Variants in GHR observed in about 807,000 individuals in gnomAD.
GHR encodes growth hormone receptor.
A neutral mutation model predicts 67.1 loss-of-function variants in GHR; 35 were observed. That is an observed-to-expected ratio of 0.52 (90% CI 0.40 to 0.69). GHR has a LOEUF of 0.69. GHR is among the 30% of genes least tolerant of loss of function. GHR has a pLI of 0.00. For missense variants in GHR, 792 were observed against 764.6 expected (o/e 1.04, Z -0.42); for synonymous variants, 272 against 269.1 (o/e 1.01, Z -0.10).
At chr5:42,555,411 CT>C (rs1749255780) in intron 1 of GHR, among the ~76,000 whole-genome samples, 1 of 152,262 alleles carries the variant, frequency 6.6e-6, no homozygotes, top group African/African-American at 2.4e-5. Context: ...ATTACTCTGT[CT>C]TTTTCTTGCT....
chr5:42,481,452 A>G (rs1745631321), intron 1 of GHR, among the ~76,000 whole-genome samples: 1 of 152,128 alleles, frequency 6.6e-6, no homozygotes, highest in East Asian at 1.9e-4. Flanking sequence ...TAGATTGGGG[A>G]AGTTCACCTG....
At chr5:42,535,086 G>T (rs1161477247) in intron 1 of GHR, among the ~76,000 whole-genome samples, 1 of 151,970 alleles carries the variant, frequency 6.6e-6, no homozygotes, top group Non-Finnish European at 1.5e-5. Flanking sequence ...AGATTGTGAA[G>T]ATTTTTCTCC....
intron 1 of GHR, among the ~76,000 whole-genome samples, chr5:42,493,007 G>C (rs1383329481): frequency 1.3e-5 from 2 of 152,180 alleles, no homozygotes; most frequent in Admixed American, 1.3e-4. Context: ...TGTGTAATGG[G>C]AAGTCAAAAT....
At chr5:42,616,495 A>G (rs1342139161) in intron 2 of GHR, among the ~76,000 whole-genome samples, 1 of 151,998 alleles carries the variant, frequency 6.6e-6, no homozygotes, top group Non-Finnish European at 1.5e-5. Context: ...TTTTTTTCAG[A>G]CATTGCTCGA....
chr5:42,516,435 G>T (rs1214868368), intron 1 of GHR, among the ~76,000 whole-genome samples: 4 of 152,124 alleles, frequency 2.6e-5, no homozygotes, highest in African/African-American at 9.7e-5. Flanking sequence ...ATCCTGGCTT[G>T]GCTACTTCCC....
chr5:42,446,508 G>A (rs1299041840), intron 1 of GHR, among the ~76,000 whole-genome samples: 4 of 152,196 alleles, frequency 2.6e-5, no homozygotes, highest in Admixed American at 2.0e-4. Flanking sequence ...TTTGTCTGGG[G>A]ACCTGCAGGT....
chr5:42,707,636 T>C (rs1231456408), intron 6 of GHR, among the ~76,000 whole-genome samples: 4 of 151,986 alleles, frequency 2.6e-5, no homozygotes, highest in Non-Finnish European at 5.9e-5. Context: ...CTTTCATCAG[T>C]GTTTTATAGT....
Position 42,466,581 on chromosome 5 carries a change from C to G in GHR, c.-12+42626C>G, listed in dbSNP as rs190800036. ...AAAAACAAAATTAAGCAAAAAAGAC[C>G]TTTCCCCAAATACAATCATTACTTT... On this transcript the variant is annotated intron_variant, in intron 1 of 9. Coordinates refer to ENST00000230882, the MANE Select transcript of GHR (RefSeq NM_000163.5). 2.0e-5 allele frequency among the ~76,000 whole-genome samples: 3 copies of G among 152,172 alleles called. No homozygotes were observed. In the East Asian group the frequency reaches 5.8e-4, roughly 29 times the overall value.
chr5:42,658,321 G>T (rs1259560274), intron 3 of GHR, among the ~76,000 whole-genome samples: 1 of 152,132 alleles, frequency 6.6e-6, no homozygotes, highest in Non-Finnish European at 1.5e-5. Flanking sequence ...TCCCAGCTTT[G>T]CTACTTATTA....
chr5:42,630,841 A>G (rs993296085), intron 3 of GHR, among the ~76,000 whole-genome samples: 3 of 132,092 alleles, frequency 2.3e-5, no homozygotes. Flanking sequence ...TTTGCCCTCC[A>G]CTGTCCCCCA....
chr5:42,650,617 G>C (rs1230506866), intron 3 of GHR, among the ~76,000 whole-genome samples: 1 of 130,344 alleles, frequency 7.7e-6, no homozygotes, highest in Non-Finnish European at 1.6e-5. Context: ...GTCTATGACT[G>C]CTGGCATAAT....
chr5:42,594,691 C>T (rs73751219), intron 2 of GHR, among the ~76,000 whole-genome samples: 3,899 of 152,158 alleles, frequency 0.026, 66 homozygotes, highest in African/African-American at 0.044. Context: ...CACAGAACAG[C>T]GGTTCCCAGA....
chr5:42,487,374 C>T (rs1046890765), intron 1 of GHR, among the ~76,000 whole-genome samples: 3 of 152,150 alleles, frequency 2.0e-5, no homozygotes, highest in South Asian at 2.1e-4. Flanking sequence ...CTATTTTTAA[C>T]GTAAGCGTTG....
At chr5:42,454,901 G>A (rs1245872759) in intron 1 of GHR, among the ~76,000 whole-genome samples, 1 of 152,040 alleles carries the variant, frequency 6.6e-6, no homozygotes, top group Non-Finnish European at 1.5e-5. Context: ...TGTTCACGCA[G>A]GTTCATGCCC....
intron 1 of GHR, among the ~76,000 whole-genome samples, chr5:42,494,058 G>C (rs1440444551): frequency 6.6e-6 from 1 of 152,118 alleles, no homozygotes; most frequent in Non-Finnish European, 1.5e-5. Flanking sequence ...GTAAATGCTT[G>C]AGAGAATATA....
chr5:42,656,902 G>C (rs891735223), intron 3 of GHR, among the ~76,000 whole-genome samples: 1 of 151,966 alleles, frequency 6.6e-6, no homozygotes, highest in Non-Finnish European at 1.5e-5. Context: ...AAGGAATTTT[G>C]AGCCCATTAT....
chr5:42,695,181 T>C, intron 5 of GHR, 92 bp downstream of exon 5: 1 of 852,062 alleles, frequency 1.2e-6, no homozygotes, highest in Non-Finnish European at 2.0e-6. Flanking sequence ...GTAGGAAGAC[T>C]TTGTAACAGT....
chr5:42,628,601 G>C (rs1753816487), intron 2 of GHR, among the ~76,000 whole-genome samples: 1 of 131,810 alleles, frequency 7.6e-6, no homozygotes. Flanking sequence ...GTTGGTTAAA[G>C]GAACAAAACT....
intron 3 of GHR, among the ~76,000 whole-genome samples, chr5:42,670,880 A>AATATATATAT (rs55876651): frequency 1.7e-5 from 2 of 118,210 alleles, no homozygotes; most frequent in African/African-American, 6.6e-5. Flanking sequence ...AAAAAAAAAA[A>AATATATATAT]ATATATATAT....
Sources: allele counts gnomAD v4.1 joint callset (sites outside exome capture counted in the v4.1 genomes callset), GRCh38; gene constraint gnomAD v4.1.1; transcripts MANE v1.5; gene names NCBI Gene and HGNC (gene_info 2026-07-23, HGNC 2026-07-21).